The following WIPF2 variants were observed in gnomAD, a reference collection of about 807,000 sequenced individuals.
The protein encoded by WIPF2 is WAS/WASL-interacting protein family member 2.
A neutral mutation model predicts 38.8 loss-of-function variants in WIPF2; 23 were observed. The observed-to-expected ratio is 0.59, with a 90% CI of 0.43 to 0.84. The LOEUF is 0.84. WIPF2 is among the 40% of genes least tolerant of loss of function. The pLI is 0.00. For synonymous variants in WIPF2, 210 were observed against 223.2 expected (o/e 0.94, Z 0.53); for missense variants, 574 against 580.5 (o/e 0.99, Z 0.11).
chr17:40,238,738 C>T (rs1440251393), intron 1 of WIPF2, among the ~76,000 whole-genome samples: 2 of 151,894 alleles, frequency 1.3e-5, no homozygotes, highest in African/African-American at 2.4e-5. Flanking sequence ...CTCAGCCTCC[C>T]GAGTAGCTGG....
At chr17:40,266,153 G>A (rs2032078572) in intron 5 of WIPF2, among the ~76,000 whole-genome samples, 1 of 149,964 alleles carries the variant, frequency 6.7e-6, no homozygotes, top group South Asian at 2.1e-4. Context: ...CAGGAGAATC[G>A]CTTGAACTCA....
chr17:40,225,717 G>A (rs1001644262), intron 1 of WIPF2, among the ~76,000 whole-genome samples: 4 of 151,966 alleles, frequency 2.6e-5, no homozygotes, highest in Non-Finnish European at 1.5e-5. Flanking sequence ...GGAGTGTGGC[G>A]GCGTGATCTG....
At chr17:40,276,863 C>T (rs941433646) in intron 6 of WIPF2, among the ~76,000 whole-genome samples, 1 of 152,164 alleles carries the variant, frequency 6.6e-6, no homozygotes, top group Non-Finnish European at 1.5e-5. Context: ...CAAAGACGCA[C>T]TACTTAGTAC....
intron 3 of WIPF2, 54 bp downstream of exon 3, chr17:40,260,721 G>T: frequency 6.2e-7 from 1 of 1,612,604 alleles, no homozygotes; most frequent in Non-Finnish European, 8.5e-7. Context: ...GAGTGACTTG[G>T]AGACTTGGCT....
intron 1 of WIPF2, among the ~76,000 whole-genome samples, chr17:40,243,604 A>G (rs933600145): frequency 6.6e-6 from 1 of 151,264 alleles, no homozygotes; most frequent in Non-Finnish European, 1.5e-5. Flanking sequence ...ACCTCTGCCT[A>G]CCGGGTTCAA....
At chr17:40,260,816 C>A in intron 3 of WIPF2, 149 bp downstream of exon 3, 1 of 1,089,694 alleles carries the variant, frequency 9.2e-7, no homozygotes, top group Non-Finnish European at 1.4e-6. Flanking sequence ...TCTTCTGAAC[C>A]TTAGAAGTTT....
At chr17:40,259,094 G>C (rs900920124) in intron 2 of WIPF2, among the ~76,000 whole-genome samples, 7 of 137,018 alleles carry the variant, frequency 5.1e-5, no homozygotes, top group Non-Finnish European at 1.1e-4. Context: ...GCCTAGACTA[G>C]TCTTGAACTC....
At chr17:40,276,896 C>G (rs778484065) in intron 6 of WIPF2, among the ~76,000 whole-genome samples, 187 bp from the exon 7 acceptor site, 1 of 151,264 alleles carries the variant, frequency 6.6e-6, no homozygotes, top group Non-Finnish European at 1.5e-5. Flanking sequence ...AATACATGCT[C>G]TGTGCATGCA....
intron 1 of WIPF2, among the ~76,000 whole-genome samples, chr17:40,232,133 G>A (rs1253965589): frequency 1.4e-5 from 2 of 143,200 alleles, no homozygotes; most frequent in Admixed American, 7.2e-5. Context: ...CCACCTCAGC[G>A]TCCTGAGTAG....
At chr17:40,245,525 T>C (rs528966801) in intron 1 of WIPF2, among the ~76,000 whole-genome samples, 8 of 152,086 alleles carry the variant, frequency 5.3e-5, no homozygotes, top group Non-Finnish European at 1.2e-4. Context: ...ATATTTTTAG[T>C]AGAGACAGGG....
intron 5 of WIPF2, among the ~76,000 whole-genome samples, chr17:40,266,289 A>G (rs950857212): frequency 2.6e-5 from 4 of 151,722 alleles, no homozygotes; most frequent in South Asian, 2.1e-4. Flanking sequence ...CCTACATTAG[A>G]GGCAAAAGAG....
chr17:40,226,556 G>A (rs549872636), intron 1 of WIPF2, among the ~76,000 whole-genome samples: 54 of 151,934 alleles, frequency 3.6e-4, no homozygotes, highest in African/African-American at 1.0e-3. Context: ...TATGAGATGC[G>A]ATGTCTGAGA....
intron 1 of WIPF2, among the ~76,000 whole-genome samples, chr17:40,253,106 AGGCT>A (rs1353567175): frequency 7.4e-5 from 10 of 134,394 alleles, no homozygotes; most frequent in African/African-American, 2.9e-4. Context: ...TCTGTCACCC[AGGCT>A]GGAGTGCAGT....
At chr17:40,264,283 A>C (rs1366234423) in intron 4 of WIPF2, among the ~76,000 whole-genome samples, 1 of 136,722 alleles carries the variant, frequency 7.3e-6, no homozygotes, top group Non-Finnish European at 1.5e-5. Context: ...CTGAGATTGC[A>C]CCATTGCACT....
chr17:40,246,306 G>A (rs1400493514), intron 1 of WIPF2, among the ~76,000 whole-genome samples: 1 of 151,376 alleles, frequency 6.6e-6, no homozygotes, highest in African/African-American at 2.4e-5. Context: ...GGCTGGTCTC[G>A]AACTCCAGAC....
chr17:40,243,277 G>A (rs902621973), intron 1 of WIPF2, among the ~76,000 whole-genome samples: 1 of 152,126 alleles, frequency 6.6e-6, no homozygotes, highest in Non-Finnish European at 1.5e-5. Flanking sequence ...TGTCACTGCA[G>A]TTGGTATACA....
At chr17:40,266,407 G>C (rs1255102608) in intron 5 of WIPF2, among the ~76,000 whole-genome samples, 1 of 152,286 alleles carries the variant, frequency 6.6e-6, no homozygotes, top group East Asian at 1.9e-4. Flanking sequence ...GGTCAGCTGT[G>C]CCCAGTGCTG....
rs1437881798 is a variant in WIPF2 at position 40,219,359 on chromosome 17, A to AAGGGGCGGT, written c.-202_-194dup. Reference sequence around the variant, plus strand: ...AGCAGATCCATTTCCGGGTTGGCAAAAGGGGCGGTGGCGGCGGCGGCGGCG... The same window carrying AAGGGGCGGT: ...AGCAGATCCATTTCCGGGTTGGCAAAAGGGGCGGTAGGGGCGGTGGCGGCGGCGGCGGCG... On this transcript the variant is annotated 5_prime_UTR_variant, in exon 1 of 8. Coordinates refer to ENST00000323571, the MANE Select transcript of WIPF2 (RefSeq NM_133264.5). 1.4e-5 allele frequency: 5 copies of AAGGGGCGGT among 359,910 alleles called. No individual in the cohort carries two copies. The highest frequency in any genetic ancestry group is 2.4e-5 in the African/African-American group (1 of 41,946). 22.3% of individuals were successfully genotyped at this position (359,910 alleles called of 1,614,324 possible). A position where few individuals can be genotyped will look rare whatever the true frequency, so the allele number is the denominator to read the frequency against.
rs775803870 is a variant in WIPF2 at position 40,264,574 on chromosome 17, G to T, written c.398G>T (p.Arg133Leu). The T allele has an allele frequency of 5.0e-6, 8 of 1,613,970 alleles. No homozygotes were observed. Among genetic ancestry groups the T allele is most frequent in the Non-Finnish European group, 6.8e-6 (8 of 1,180,024 alleles). Residue 133 changes from arginine (R) to leucine (L), a missense_variant, in exon 5 of 8, where the codon CGT (arginine) becomes CTT (leucine). Physicochemically the swap from Arg to Leu is moderately radical, Grantham distance 102. Transcript: ENST00000323571. ...PRPPVSAASG[R>L]PQDDTDSSRA... is the part of the protein sequence containing the mutation. ...CCTCCAGTATCTGCCGCCAGCGGGCGTCCTCAGGATGATACAGACAGCAGC... is the reference window on the plus strand; with the variant it reads ...CCTCCAGTATCTGCCGCCAGCGGGCTTCCTCAGGATGATACAGACAGCAGC...
Sources: allele counts gnomAD v4.1 joint callset (sites outside exome capture counted in the v4.1 genomes callset), GRCh38; gene constraint gnomAD v4.1.1; transcripts MANE v1.5; gene names NCBI Gene and HGNC (gene_info 2026-07-23, HGNC 2026-07-21).